WWOX: variants seen among roughly 807,000 people sequenced by gnomAD.
WWOX encodes the protein WW domain containing oxidoreductase.
A neutral mutation model predicts 46.2 loss-of-function variants in WWOX; 69 were observed. The observed-to-expected ratio is 1.49, with a 90% CI of 1.23 to 1.82. WWOX has a LOEUF of 1.82. WWOX is among the 40% of genes most tolerant of loss of function. The pLI, the probability that WWOX is intolerant of heterozygous loss-of-function variation, is 0.00. For missense variants in WWOX, 919 were observed against 542.6 expected (o/e 1.69, Z -6.89); for synonymous variants, 359 against 202.6 (o/e 1.77, Z -6.56).
intron 8 of WWOX, among the ~76,000 whole-genome samples, chr16:78,463,895 T>G (rs1182876577): frequency 6.6e-6 from 1 of 152,158 alleles, no homozygotes; most frequent in East Asian, 1.9e-4. Context: ...GTATGGACCT[T>G]TGGGGCTCAG....
intron 8 of WWOX, among the ~76,000 whole-genome samples, chr16:78,927,832 G>C (rs79279339): frequency 0.011 from 1,653 of 152,194 alleles, 30 homozygotes; most frequent in African/African-American, 0.038. Context: ...ATTAAGTAGG[G>C]ATTTCTCTTA....
At chr16:78,322,114 A>C (rs971054247) in intron 5 of WWOX, among the ~76,000 whole-genome samples, 1 of 152,166 alleles carries the variant, frequency 6.6e-6, no homozygotes. Context: ...TATAAACCAG[A>C]TGATTGTGTA....
Position 79,034,678 on chromosome 16 carries a change from C to CT in WWOX, c.1057-176919dup, listed in dbSNP as rs1317703186. On this transcript the variant is annotated intron_variant, in intron 8 of 8. Transcript: ENST00000566780. ...GAATGCTTCTGTGTCATTTTCCTTTCTTTTTTTTTTTCAAAGCACTTAATT... is the reference window on the plus strand; with the variant it reads ...GAATGCTTCTGTGTCATTTTCCTTTCTTTTTTTTTTTTCAAAGCACTTAATT... Among the ~76,000 whole-genome samples, 282 of 144,628 alleles carry CT rather than the reference C, an allele frequency of 1.9e-3. 1 individual carries two copies. Among genetic ancestry groups the CT allele is most frequent in the African/African-American group, 4.9e-3 (195 of 39,540 alleles). The allele number at this position is 144,628 out of a possible 152,430, so 94.9% of individuals were successfully genotyped here.
At chr16:78,480,460 T>C (rs772645857) in intron 8 of WWOX, among the ~76,000 whole-genome samples, 1 of 152,242 alleles carries the variant, frequency 6.6e-6, no homozygotes, top group Non-Finnish European at 1.5e-5. Context: ...TATATTTACA[T>C]GTACTGTCCT....
rs577190414 is a variant in WWOX, at chr16:79,090,910, C to T, written c.1057-120698C>T. Among the ~76,000 whole-genome samples, 7 of 152,332 alleles carry T rather than the reference C, an allele frequency of 4.6e-5. No homozygotes were observed. In the East Asian group the frequency reaches 1.4e-3, roughly 29 times the overall value. Reference sequence around the variant, plus strand: ...CTGGGTTCAAACAATTGTCCTGCCTCAGCCTCCCAAGAAGTTGGGACTACA... The same window carrying T: ...CTGGGTTCAAACAATTGTCCTGCCTTAGCCTCCCAAGAAGTTGGGACTACA... On this transcript the variant is annotated intron_variant, in intron 8 of 8. Coordinates refer to ENST00000566780, the MANE Select transcript of WWOX (RefSeq NM_016373.4).
intron 8 of WWOX, among the ~76,000 whole-genome samples, chr16:78,967,716 C>T (rs572838330): frequency 6.6e-6 from 1 of 152,152 alleles, no homozygotes; most frequent in East Asian, 1.9e-4. Flanking sequence ...GAAGGATCAC[C>T]ATGAACGGTC....
intron 5 of WWOX, among the ~76,000 whole-genome samples, chr16:78,260,231 A>C (rs2038243298): frequency 2.0e-5 from 3 of 151,598 alleles, no homozygotes; most frequent in African/African-American, 7.3e-5. Flanking sequence ...AGCAAACTAC[A>C]GCAGTGTTAC....
At chr16:79,205,593 T>C (rs2051483468) in intron 8 of WWOX, 1 of 152,226 alleles carries the variant, frequency 6.6e-6, no homozygotes, top group Non-Finnish European at 1.5e-5. Flanking sequence ...CTTCATTGTT[T>C]CTTTTTGGGA....
chr16:78,594,904 G>C (rs1017796661), intron 8 of WWOX, among the ~76,000 whole-genome samples: 1 of 152,158 alleles, frequency 6.6e-6, no homozygotes, highest in African/African-American at 2.4e-5. Flanking sequence ...TGCAAGTAAA[G>C]AATTATAATT....
intron 5 of WWOX, among the ~76,000 whole-genome samples, chr16:78,267,818 T>C (rs2079399048): frequency 6.6e-6 from 1 of 152,206 alleles, no homozygotes; most frequent in Non-Finnish European, 1.5e-5. Flanking sequence ...TTGCCCAGGC[T>C]CATCTCTGCC....
intron 8 of WWOX, among the ~76,000 whole-genome samples, chr16:78,833,743 C>G (rs1373488584): frequency 6.6e-6 from 1 of 152,224 alleles, no homozygotes; most frequent in African/African-American, 2.4e-5. Flanking sequence ...CTGGGTATGA[C>G]TACACCCATT....
intron 8 of WWOX, among the ~76,000 whole-genome samples, chr16:78,499,747 A>T (rs1481558101): frequency 6.6e-6 from 1 of 152,116 alleles, no homozygotes; most frequent in East Asian, 1.9e-4. Flanking sequence ...CCAGGACTTG[A>T]CACCAGCCTC....
At chr16:78,587,444 T>G (rs1229493226) in intron 8 of WWOX, among the ~76,000 whole-genome samples, 1 of 152,092 alleles carries the variant, frequency 6.6e-6, no homozygotes, top group Non-Finnish European at 1.5e-5. Context: ...TCTTACAGAT[T>G]TTTATCATCA....
intron 8 of WWOX, among the ~76,000 whole-genome samples, chr16:78,597,788 T>A (rs1235331301): frequency 6.6e-6 from 1 of 150,432 alleles, no homozygotes; most frequent in Admixed American, 6.6e-5. Flanking sequence ...ATAAAATATA[T>A]TTCCATGAAT....
intron 4 of WWOX, among the ~76,000 whole-genome samples, chr16:78,144,500 CAT>C (rs1206539263): frequency 0.18 from 3,921 of 21,702 alleles, 494 homozygotes; most frequent in African/African-American, 0.29. Flanking sequence ...CACACACACA[CAT>C]ATATATATAT....
intron 8 of WWOX, among the ~76,000 whole-genome samples, chr16:78,637,467 C>T (rs1052707839): frequency 6.6e-5 from 10 of 151,794 alleles, no homozygotes; most frequent in African/African-American, 2.2e-4. Flanking sequence ...TTGTTTCTGG[C>T]CCCACGTTAC....
chr16:78,973,290 C>T (rs983759696), intron 8 of WWOX, among the ~76,000 whole-genome samples: 2 of 152,128 alleles, frequency 1.3e-5, no homozygotes, highest in African/African-American at 4.8e-5. Flanking sequence ...GGGCTGTCAT[C>T]CTGGCGTTTG....
intron 8 of WWOX, among the ~76,000 whole-genome samples, chr16:79,120,600 A>C (rs1174657834): frequency 1.3e-5 from 2 of 152,182 alleles, no homozygotes; most frequent in African/African-American, 2.4e-5. Flanking sequence ...CAGACGTCTG[A>C]AATTGACACT....
intron 8 of WWOX, among the ~76,000 whole-genome samples, chr16:78,946,035 C>T (rs138343482): frequency 9.4e-4 from 143 of 152,294 alleles, no homozygotes; most frequent in African/African-American, 3.2e-3. Context: ...CATAGCACTT[C>T]GCAATGAAGC....
Sources: allele counts gnomAD v4.1 joint callset (sites outside exome capture counted in the v4.1 genomes callset), GRCh38; gene constraint gnomAD v4.1.1; transcripts MANE v1.5; gene names NCBI Gene and HGNC (gene_info 2026-07-23, HGNC 2026-07-21).